The following NAALAD2 variants were observed in gnomAD, a reference collection of about 807,000 sequenced individuals.
NAALAD2 encodes N-acetylated-alpha-linked acidic dipeptidase 2.
A neutral mutation model predicts 95.6 loss-of-function variants in NAALAD2; 89 were observed. The observed-to-expected ratio is 0.93, with a 90% CI of 0.78 to 1.11. The LOEUF (loss-of-function observed/expected upper bound fraction) is 1.11. Among genes scored for constraint, NAALAD2 ranks in the 50% least tolerant of loss-of-function variants. The pLI is 0.00. For missense variants in NAALAD2, 894 were observed against 872.4 expected (o/e 1.02, Z -0.31); for synonymous variants, 264 against 294.4 (o/e 0.90, Z 1.06).
intron 13 of NAALAD2, among the ~76,000 whole-genome samples, chr11:90,173,587 C>A (rs1267182333): frequency 1.3e-5 from 2 of 152,088 alleles, no homozygotes; most frequent in Non-Finnish European, 2.9e-5. Context: ...ATCTTAGGTA[C>A]ATGGCAAAAT....
rs1952341113 is a variant in NAALAD2 at position 90,163,043 on chromosome 11, C to T, written c.1075+9C>T. On this transcript the variant is annotated intron_variant, in intron 9 of 18. Coordinates refer to ENST00000534061, the MANE Select transcript of NAALAD2 (RefSeq NM_005467.4). ...AGGATCTGTGGAACCTGGTGAGTCA[C>T]ATAATTTTTTAAAACATTTTGTTTT... 1.3e-6 allele frequency: 2 copies of T among 1,520,658 alleles called. No individual in the cohort carries two copies. Among genetic ancestry groups the T allele is most frequent in the Admixed American group, 4.2e-5 (2 of 47,588 alleles). The allele number at this position is 1,520,658 out of a possible 1,614,324, so 94.2% of individuals were successfully genotyped here.
intron 13 of NAALAD2, among the ~76,000 whole-genome samples, chr11:90,172,872 C>G (rs574901762): frequency 9.9e-5 from 15 of 152,176 alleles, no homozygotes; most frequent in African/African-American, 3.1e-4. Context: ...AGAAAGGTAC[C>G]ATTATCCCCA....
At chr11:90,137,884 A>G (rs1227636300) in intron 2 of NAALAD2, among the ~76,000 whole-genome samples, 2 of 151,862 alleles carry the variant, frequency 1.3e-5, no homozygotes, top group Admixed American at 6.6e-5. Context: ...CTCAAGTGAC[A>G]TACCCACCTC....
intron 8 of NAALAD2, among the ~76,000 whole-genome samples, chr11:90,161,264 T>A (rs1343644559): frequency 6.6e-6 from 1 of 151,566 alleles, no homozygotes; most frequent in Non-Finnish European, 1.5e-5. Flanking sequence ...ACTAGACAGA[T>A]TGTGCATTTC....
chr11:90,185,796 T>C (rs1385361654), intron 18 of NAALAD2, among the ~76,000 whole-genome samples: 1 of 151,976 alleles, frequency 6.6e-6, no homozygotes, highest in Non-Finnish European at 1.5e-5. Context: ...TTGAGTCCTA[T>C]TTGAACATTT....
In NAALAD2 at chr11:90,150,488, C is replaced by T; in HGVS notation, c.490C>T (p.Leu164Phe). Residue 164 changes from leucine to phenylalanine, a missense_variant, in exon 5 of 19, where the codon CTT becomes TTT. By Grantham distance (22) the Leu-to-Phe change is conservative (BLOSUM62 0). Coordinates refer to ENST00000534061, the MANE Select transcript of NAALAD2 (RefSeq NM_005467.4). Reference sequence around the variant, plus strand: ...TATTTTCTTTTCCCTATAGGGAGATCTTGTATATGTGAACTATGCTCGCAC... The same window carrying T: ...TATTTTCTTTTCCCTATAGGGAGATTTTGTATATGTGAACTATGCTCGCAC... The part of the protein sequence containing the change: ...FSAQGMPEGD[L>F]VYVNYARTED... The T allele has an allele frequency of 6.3e-7, 1 of 1,596,628 alleles. No individual in the cohort carries two copies. The highest frequency in any genetic ancestry group is 8.6e-7 in the Non-Finnish European group (1 of 1,169,018).
At chr11:90,135,464 T>G in intron 1 of NAALAD2, 95 bp from the exon 2 acceptor site, 4 of 694,798 alleles carry the variant, frequency 5.8e-6, no homozygotes, top group Non-Finnish European at 6.8e-6. Context: ...ATAAAGGCTT[T>G]TTGGGGGGAA....
chr11:90,137,279 A>G (rs1234896164), intron 2 of NAALAD2, among the ~76,000 whole-genome samples: 2 of 152,170 alleles, frequency 1.3e-5, no homozygotes, highest in East Asian at 1.9e-4. Flanking sequence ...GATAGAAGGA[A>G]TAAGATCTAG....
intron 17 of NAALAD2, 58 bp from the exon 18 acceptor site, chr11:90,182,858 A>T: frequency 8.7e-7 from 1 of 1,146,840 alleles, no homozygotes; most frequent in African/African-American, 1.6e-5. Context: ...ATTTAATATT[A>T]TTTTTGAAGC....
At chr11:90,156,858 T>C (rs1055264689) in intron 6 of NAALAD2, among the ~76,000 whole-genome samples, 1 of 152,218 alleles carries the variant, frequency 6.6e-6, no homozygotes, top group African/African-American at 2.4e-5. Flanking sequence ...TTTTCATTTC[T>C]ACTTTGACCC....
intron 11 of NAALAD2, among the ~76,000 whole-genome samples, chr11:90,166,061 A>G (rs1449424337): frequency 6.6e-6 from 1 of 152,192 alleles, no homozygotes; most frequent in Non-Finnish European, 1.5e-5. Flanking sequence ...GTTATAATGG[A>G]AACTCTGATT....
intron 6 of NAALAD2, among the ~76,000 whole-genome samples, chr11:90,156,721 G>C (rs1255380838): frequency 6.6e-6 from 1 of 152,056 alleles, no homozygotes; most frequent in Non-Finnish European, 1.5e-5. Context: ...AAGTTAGCTG[G>C]AACTATAGGC....
At chr11:90,155,475 TG>T (rs1228215959) in intron 6 of NAALAD2, among the ~76,000 whole-genome samples, 22 of 112,658 alleles carry the variant, frequency 2.0e-4, no homozygotes, top group Middle Eastern at 0.013. Flanking sequence ...TACATATACA[TG>T]TATATATTAT....
In NAALAD2 at chr11:90,178,064, A is replaced by G; in HGVS notation, c.1805A>G (p.Tyr602Cys). The G allele has an allele frequency of 1.2e-6, 2 of 1,613,694 alleles. No individual in the cohort carries two copies. The highest frequency in any genetic ancestry group is 1.7e-6 in the Non-Finnish European group (2 of 1,179,808). The change falls in exon 16 of 19, where the codon TAT becomes TGT. Residue 602 changes from tyrosine to cysteine, a missense_variant. Tyr to Cys is a radical substitution (Grantham distance 194). Transcript: ENST00000534061. ...TTGAAAAACTATGCAGCAAGTATCT[A>G]TAATCTATCTAAGAAACATGATCAA... The part of the protein sequence containing the change: ...EALKNYAASI[Y>C]NLSKKHDQQL...
upstream of NAALAD2, chr11:90,132,000 A>G (rs11018869): frequency 0.14 from 21,116 of 152,328 alleles, 2,104 homozygotes; most frequent in Admixed American, 0.31. Context: ...TGCAAAGTAC[A>G]AGTATTTGCC....
chr11:90,171,579 A>C (rs1281221101), intron 13 of NAALAD2, among the ~76,000 whole-genome samples: 1 of 152,212 alleles, frequency 6.6e-6, no homozygotes, highest in Non-Finnish European at 1.5e-5. Flanking sequence ...GTGGTTGATA[A>C]GGGAGAAGTT....
Position 90,173,864 on chromosome 11 carries a change from A to G in NAALAD2, c.1451A>G (p.Tyr484Cys), listed in dbSNP as rs933468429. 7.4e-6 allele frequency: 12 copies of G among 1,613,046 alleles called. No individual in the cohort carries two copies. The highest frequency in any genetic ancestry group is 9.3e-6 in the Non-Finnish European group (11 of 1,179,594). Residue 484 changes from tyrosine (Y) to cysteine (C), a missense_variant, in exon 14 of 19, where the codon TAT (tyrosine) becomes TGT (cysteine). Transcript: ENST00000534061. ...GATGGGTTTGAGAGTAAATCACTGTATGAAAGCTGGTTGGAAAAAGACCCT... is the reference window on the plus strand; with the variant it reads ...GATGGGTTTGAGAGTAAATCACTGTGTGAAAGCTGGTTGGAAAAAGACCCT... ...PDDGFESKSLYESWLEKDPSP... is the reference protein window; with the variant it reads ...PDDGFESKSLCESWLEKDPSP...
rs577150513 is a variant in NAALAD2, at chr11:90,163,383, T to C, written c.1149T>C (p.Ala383=). 1.1e-4 allele frequency: 177 copies of C among 1,614,110 alleles called. 2 individuals carry two copies. In the South Asian group the frequency reaches 1.6e-3, roughly 15 times the overall value. ...CTATTGACCCAACCAGTGGGGTTGCTGTTTTGCAAGAAATTGCCCGGAGTT... is the reference window on the plus strand; with the variant it reads ...CTATTGACCCAACCAGTGGGGTTGCCGTTTTGCAAGAAATTGCCCGGAGTT... The part of the protein sequence containing the change: ...FGAIDPTSGV[A]VLQEIARSFG... The change falls in exon 10 of 19, where the codon GCT becomes GCC. Residue 383 remains alanine (A), a synonymous_variant. Coordinates refer to ENST00000534061, the MANE Select transcript of NAALAD2 (RefSeq NM_005467.4).
At chr11:90,174,546 G>A (rs1206694840) in intron 14 of NAALAD2, among the ~76,000 whole-genome samples, 1 of 151,892 alleles carries the variant, frequency 6.6e-6, no homozygotes, top group African/African-American at 2.4e-5. Flanking sequence ...TATAACTTCA[G>A]ATGATAATGA....
Sources: gnomAD v4.1 joint callset for allele counts (sites outside exome capture counted in the v4.1 genomes callset) on GRCh38, gnomAD v4.1.1 for gene constraint, MANE v1.5 for transcripts, NCBI Gene and HGNC (gene_info 2026-07-23, HGNC 2026-07-21) for gene names.